SAMD15: variants seen among roughly 807,000 people sequenced by gnomAD.
SAMD15 encodes sterile alpha motif domain-containing protein 15.
Under a neutral mutation model 50.5 loss-of-function variants are expected in SAMD15, and 37 were observed. That is an observed-to-expected ratio of 0.73 (90% CI 0.56 to 0.96). SAMD15 has a LOEUF of 0.96. Ranked by LOEUF, SAMD15 falls within the 40% of genes least tolerant of loss-of-function variation. SAMD15 has a pLI of 0.00. For missense variants in SAMD15, 789 were observed against 783.8 expected (o/e 1.01, Z -0.08); for synonymous variants, 255 against 282.8 (o/e 0.90, Z 0.99).
Position 77,378,727 on chromosome 14 carries a change from G to A in SAMD15, c.1309G>A (p.Asp437Asn), listed in dbSNP as rs777072373. 5.0e-6 allele frequency: 8 copies of A among 1,613,128 alleles called. No homozygotes were observed. Among genetic ancestry groups the A allele is most frequent in the South Asian group, 2.2e-5 (2 of 90,818 alleles). ...PIKSKYSVGNDELEHREPKRG... is the reference protein window; with the variant it reads ...PIKSKYSVGNNELEHREPKRG... ...AAAGTCTAAGTATTCTGTAGGAAAC[G>A]ATGAGCTAGAGCACCGTGAGCCTAA... Residue 437 changes from aspartate (D) to asparagine (N), a missense_variant, in exon 1 of 3, where the codon GAT becomes AAT. Transcript: ENST00000216471.
chr14:77,383,647 T>A (rs571749211), intron 2 of SAMD15, among the ~76,000 whole-genome samples: 1 of 152,274 alleles, frequency 6.6e-6, no homozygotes, highest in Admixed American at 6.5e-5. Context: ...TTACGTTAGA[T>A]AAGCTTTGCT....
rs535445809 is a variant in SAMD15, at chr14:77,382,130, G to T, written c.1788+1649G>T. On this transcript the variant is annotated intron_variant, in intron 2 of 2. Transcript: ENST00000216471. ...TTTTTCTTCTTGTTGTTTTTTTGGGGTTTTTTTTTTTTGAGACCGAGTCTC... is the reference window on the plus strand; with the variant it reads ...TTTTTCTTCTTGTTGTTTTTTTGGGTTTTTTTTTTTTTGAGACCGAGTCTC... 2.3e-3 allele frequency among the ~76,000 whole-genome samples: 315 copies of T among 134,314 alleles called. 1 individual carries two copies. The highest frequency in any genetic ancestry group is 7.1e-3 in the African/African-American group (257 of 36,388). 88.1% of individuals were successfully genotyped at this position (134,314 alleles called of 152,430 possible).
At chr14:77,379,487 G>A (rs934636776) in intron 1 of SAMD15, among the ~76,000 whole-genome samples, 1 of 151,596 alleles carries the variant, frequency 6.6e-6, no homozygotes, top group South Asian at 2.1e-4. Context: ...CCAGGTTCAC[G>A]CCATTCTCCT....
intron 2 of SAMD15, among the ~76,000 whole-genome samples, chr14:77,388,461 G>A (rs922719366): frequency 6.6e-6 from 1 of 150,968 alleles, no homozygotes; most frequent in Non-Finnish European, 1.5e-5. Flanking sequence ...TACCTAGGCC[G>A]CAGTGCAGTG....
chr14:77,379,303 C>G (rs1049698146), intron 1 of SAMD15, among the ~76,000 whole-genome samples, 196 bp downstream of exon 1: 3 of 152,030 alleles, frequency 2.0e-5, no homozygotes, highest in African/African-American at 7.2e-5. Context: ...AAGGGAGGGT[C>G]ACATCGGTTT....
chr14:77,384,674 C>G (rs1294129663), intron 2 of SAMD15, among the ~76,000 whole-genome samples: 1 of 152,100 alleles, frequency 6.6e-6, no homozygotes, highest in African/African-American at 2.4e-5. Flanking sequence ...GCCCCAGAAT[C>G]AGCCATGTTT....
intron 2 of SAMD15, among the ~76,000 whole-genome samples, chr14:77,390,107 G>A (rs963523680): frequency 9.3e-5 from 14 of 151,240 alleles, no homozygotes; most frequent in Non-Finnish European, 1.9e-4. Flanking sequence ...GCGATTCTCC[G>A]GCCTCAGTCT....
In SAMD15 at chr14:77,391,299, G is replaced by T; in HGVS notation, c.*55G>T. 7 of 1,123,852 alleles carry T rather than the reference G, an allele frequency of 6.2e-6. No homozygotes were observed. The highest frequency in any genetic ancestry group is 5.7e-5 in the South Asian group (4 of 70,244). 69.6% of individuals were successfully genotyped at this position (1,123,852 alleles called of 1,614,324 possible). A position where few individuals can be genotyped will look rare whatever the true frequency, so the allele number is the denominator to read the frequency against. On this transcript the variant is annotated 3_prime_UTR_variant, in exon 3 of 3. Coordinates refer to ENST00000216471, the MANE Select transcript of SAMD15 (RefSeq NM_001010860.4). Reference sequence around the variant, plus strand: ...TCAAACTAAATTACTTGAGGGAAGAGGTATGGTCTTTTTTGGTTTTCTTTT... The same window carrying T: ...TCAAACTAAATTACTTGAGGGAAGATGTATGGTCTTTTTTGGTTTTCTTTT...
chr14:77,390,598 A>G (rs1162486917), intron 2 of SAMD15, among the ~76,000 whole-genome samples: 1 of 152,164 alleles, frequency 6.6e-6, no homozygotes, highest in African/African-American at 2.4e-5. Context: ...CCCCATAGAA[A>G]TAAGGAATTG....
At chr14:77,383,870 T>A (rs544016605) in intron 2 of SAMD15, among the ~76,000 whole-genome samples, 1 of 148,934 alleles carries the variant, frequency 6.7e-6, no homozygotes, top group South Asian at 2.1e-4. Context: ...CTTGGGAGGC[T>A]GAAGCAGGCG....
intron 2 of SAMD15, among the ~76,000 whole-genome samples, chr14:77,383,363 C>T (rs1487547597): frequency 2.6e-5 from 4 of 152,168 alleles, no homozygotes; most frequent in Non-Finnish European, 5.9e-5. Flanking sequence ...TCAGACAATT[C>T]ATTCAGCTCC....
Position 77,378,273 on chromosome 14 carries a change from AC to A in SAMD15, c.857del (p.Pro286GlnfsTer44). ...GTCTAGAGCCTCCAGAAGAGACTCAACCAGAGGTTCCAGAGGAGATGCAAAG... is the reference window on the plus strand; with the variant it reads ...GTCTAGAGCCTCCAGAAGAGACTCAACAGAGGTTCCAGAGGAGATGCAAAG... ...AGLEPPEETQPEVPEEMQRKA... is the reference protein window; with the variant it reads ...AGLEPPEETQXEVPEEMQRKA... On this transcript the variant is annotated frameshift_variant, in exon 1 of 3. Transcript: ENST00000216471. LOFTEE classifies it high-confidence loss of function. The A allele has an allele frequency of 6.2e-7, 1 of 1,613,532 alleles. No homozygotes were observed. Among genetic ancestry groups the A allele is most frequent in the Non-Finnish European group, 8.5e-7 (1 of 1,179,874 alleles).
chr14:77,378,275 C>CA lies in SAMD15; in HGVS notation c.858dup (p.Glu287ArgfsTer12), dbSNP rs780109268. On this transcript the variant is annotated frameshift_variant, in exon 1 of 3. Coordinates refer to ENST00000216471, the MANE Select transcript of SAMD15 (RefSeq NM_001010860.4). LOFTEE classifies it high-confidence loss of function. ...CTAGAGCCTCCAGAAGAGACTCAAC[C>CA]AGAGGTTCCAGAGGAGATGCAAAGA... The CA allele has an allele frequency of 6.2e-7, 1 of 1,612,220 alleles. No homozygotes were observed. The highest frequency in any genetic ancestry group is 8.5e-7 in the Non-Finnish European group (1 of 1,179,670).
intron 2 of SAMD15, among the ~76,000 whole-genome samples, chr14:77,381,156 T>A (rs556107313): frequency 1.3e-5 from 2 of 152,232 alleles, no homozygotes; most frequent in East Asian, 3.9e-4. Flanking sequence ...CATCCCAAGT[T>A]CTCATGACAT....
rs377304119 is a variant in SAMD15, at chr14:77,391,329, C to CTTTT, written c.*96_*99dup. The CTTTT allele has an allele frequency of 1.3e-5, 9 of 685,034 alleles. No individual in the cohort carries two copies. The highest frequency in any genetic ancestry group is 2.1e-5 in the South Asian group (1 of 48,092). 42.4% of individuals were successfully genotyped at this position (685,034 alleles called of 1,614,324 possible). A position where few individuals can be genotyped will look rare whatever the true frequency, so the allele number is the denominator to read the frequency against. On this transcript the variant is annotated 3_prime_UTR_variant, in exon 3 of 3. Coordinates refer to ENST00000216471, the MANE Select transcript of SAMD15 (RefSeq NM_001010860.4). ...GGTCTTTTTTGGTTTTCTTTTTCTCCTTTTTTTTTTTTTTATTTTTTTGAG... is the reference window on the plus strand; with the variant it reads ...GGTCTTTTTTGGTTTTCTTTTTCTCCTTTTTTTTTTTTTTTTTTATTTTTTTGAG...
At chr14:77,389,708 C>T (rs1218096639) in intron 2 of SAMD15, among the ~76,000 whole-genome samples, 1 of 151,734 alleles carries the variant, frequency 6.6e-6, no homozygotes, top group Non-Finnish European at 1.5e-5. Context: ...ACCATGTTAG[C>T]GAGGATGGTC....
At chr14:77,389,999 A>G (rs1195665499) in intron 2 of SAMD15, among the ~76,000 whole-genome samples, 1 of 108,044 alleles carries the variant, frequency 9.3e-6, no homozygotes, top group Non-Finnish European at 1.7e-5. Context: ...ACTATTTGTT[A>G]TGATTTTTTT....
intron 1 of SAMD15, 48 bp downstream of exon 1, chr14:77,379,155 C>A (rs186111594): frequency 2.0e-6 from 3 of 1,528,202 alleles, no homozygotes; most frequent in Middle Eastern, 1.7e-4. Context: ...CATCCGTCTA[C>A]TTCTTATTCC....
At chr14:77,380,361 G>T in intron 1 of SAMD15, 22 bp from the exon 2 acceptor site, 1 of 1,475,662 alleles carries the variant, frequency 6.8e-7, no homozygotes, top group Non-Finnish European at 9.5e-7. Context: ...TTTTTTAAGT[G>T]ATGTCCTTGT....
Sources: allele counts gnomAD v4.1 joint callset (sites outside exome capture counted in the v4.1 genomes callset), GRCh38; gene constraint gnomAD v4.1.1; transcripts MANE v1.5; gene names NCBI Gene and HGNC (gene_info 2026-07-23, HGNC 2026-07-21).